The following TPR variants were observed in gnomAD, a reference collection of about 807,000 sequenced individuals.
TPR encodes nucleoprotein TPR.
TPR carries 51 observed loss-of-function variants against 316.1 expected under a neutral mutation model. The ratio of observed to expected loss-of-function variants is 0.16; its 90% CI spans 0.13 to 0.20. The LOEUF is 0.20. Ranked by LOEUF, TPR falls within the 10% of genes least tolerant of loss-of-function variation. The pLI, the probability that TPR is intolerant of heterozygous loss-of-function variation, is 1.00. For synonymous variants in TPR, 981 were observed against 914.7 expected, an observed-to-expected ratio of 1.07 and a Z score of -1.31; for missense variants, 2,272 against 2,754.8, an observed-to-expected ratio of 0.82 and a Z score of 3.92.
intron 6 of TPR, 29 bp from the exon 7 acceptor site, chr1:186,362,409 A>C: frequency 6.5e-7 from 1 of 1,547,026 alleles, no homozygotes; most frequent in Non-Finnish European, 8.9e-7. Context: ...GCAGGGGGAA[A>C]GGATGTCATA....
At position 186,331,515 on chromosome 1, in the gene TPR, G is replaced by C; in HGVS notation, c.5671C>G (p.Gln1891Glu). ...TTACTTACTTCTCCAATGGAATCTT[G>C]AGAATCCTGGTTGTATACCTGAGTC... ...VETQVYNQDSQDSIGEGVTQG... is the reference protein window; with the variant it reads ...VETQVYNQDSEDSIGEGVTQG... Residue 1891 changes from glutamine to glutamate, a missense_variant, in exon 39 of 51, where the codon CAA becomes GAA. This residue lies in a region of TPR where 435 missense variants were observed against 461.1 expected (regional missense o/e 0.94). Transcript: ENST00000367478. 2 of 1,607,668 alleles carry C rather than the reference G, an allele frequency of 1.2e-6. No homozygotes were observed. Among genetic ancestry groups the C allele is most frequent in the Non-Finnish European group, 8.5e-7 (1 of 1,176,912 alleles).
At chr1:186,373,833 T>C (rs1180291981) in intron 1 of TPR, among the ~76,000 whole-genome samples, 1 of 152,228 alleles carries the variant, frequency 6.6e-6, no homozygotes, top group Non-Finnish European at 1.5e-5. Flanking sequence ...AAAACTCCTT[T>C]GTTTTAAAAG....
At chr1:186,324,519 T>C (rs1014633347) in intron 42 of TPR, among the ~76,000 whole-genome samples, 1 of 152,216 alleles carries the variant, frequency 6.6e-6, no homozygotes, top group African/African-American at 2.4e-5. Context: ...GAACAGGATG[T>C]CACAGAATTT....
chr1:186,346,336 G>C lies in TPR; in HGVS notation c.2944-49C>G, dbSNP rs143835201. On this transcript the variant is annotated intron_variant, in intron 22 of 50. Coordinates refer to ENST00000367478, the MANE Select transcript of TPR (RefSeq NM_003292.3). ...GATATAAAAATTACACACATTTAAA[G>C]TCATACAATTATTTTCTCCAAATCA... is the stretch of plus-strand genomic sequence containing the variant. The C allele has an allele frequency of 8.8e-5, 134 of 1,515,264 alleles. 1 individual carries two copies. Among genetic ancestry groups the C allele is most frequent in the Non-Finnish European group, 4.7e-5 (53 of 1,126,722 alleles). 93.9% of individuals were successfully genotyped at this position (1,515,264 alleles called of 1,614,324 possible).
intron 26 of TPR, 94 bp downstream of exon 26, chr1:186,343,802 TTTATATCAAA>T (rs1658591284): frequency 9.3e-7 from 1 of 1,070,506 alleles, no homozygotes; most frequent in Non-Finnish European, 1.3e-6. Context: ...AAGAATGAAC[TTTATATCAAA>T]ATCGTGTATA....
At chr1:186,373,579 T>C (rs1431023539) in intron 1 of TPR, 116 bp from the exon 2 acceptor site, 1 of 589,566 alleles carries the variant, frequency 1.7e-6, no homozygotes, top group Non-Finnish European at 2.9e-6. Flanking sequence ...AGTATTAGAA[T>C]TGTGCTCCAC....
chr1:186,331,732 T>C, intron 38 of TPR, 151 bp from the exon 39 acceptor site: 1 of 438,676 alleles, frequency 2.3e-6, no homozygotes, highest in Non-Finnish European at 3.9e-6. Flanking sequence ...AAAATTATAA[T>C]CACATTCCTC....
chr1:186,316,816 A>C (rs1657626893), intron 49 of TPR, among the ~76,000 whole-genome samples: 1 of 152,244 alleles, frequency 6.6e-6, no homozygotes, highest in South Asian at 2.1e-4. Flanking sequence ...AAATAAGGAA[A>C]TATAAGTAAA....
intron 39 of TPR, among the ~76,000 whole-genome samples, chr1:186,330,010 T>C (rs1658112508): frequency 6.6e-6 from 1 of 152,096 alleles, no homozygotes; most frequent in Non-Finnish European, 1.5e-5. Flanking sequence ...TGAGGTATAA[T>C]GAAGATTAAA....
chr1:186,358,654 T>C lies in TPR; in HGVS notation c.1390-4A>G, dbSNP rs1440230725. The C allele has an allele frequency of 1.9e-6, 3 of 1,609,776 alleles. No homozygotes were observed. The highest frequency in any genetic ancestry group is 2.5e-6 in the Non-Finnish European group (3 of 1,178,282). On this transcript the variant is annotated splice_polypyrimidine_tract_variant and splice_region_variant and intron_variant, in intron 12 of 50. Coordinates refer to ENST00000367478, the MANE Select transcript of TPR (RefSeq NM_003292.3). ...CCTCCTGCAATCGCTGAATCTCCTTTAAAATGTAAATTCAAGTGAAAATTT... is the reference window on the plus strand; with the variant it reads ...CCTCCTGCAATCGCTGAATCTCCTTCAAAATGTAAATTCAAGTGAAAATTT...
chr1:186,318,803 C>A lies in TPR; in HGVS notation c.6594G>T (p.Leu2198=). The change falls in exon 47 of 51, where the codon CTG becomes CTT. Residue 2198 remains leucine, a synonymous_variant. Transcript: ENST00000367478. ...QGGLGMYETP[L]FLAHEEESGG... is the part of the protein sequence containing the mutation. Reference sequence around the variant, plus strand: ...CTGACTCTTCTTCATGAGCTAGGAACAGGGGTGTTTCATACATTCCTAAAC... The same window carrying A: ...CTGACTCTTCTTCATGAGCTAGGAAAAGGGGTGTTTCATACATTCCTAAAC... 1.2e-6 allele frequency: 2 copies of A among 1,613,976 alleles called. No homozygotes were observed. Among genetic ancestry groups the A allele is most frequent in the Middle Eastern group, 1.6e-4 (1 of 6,062 alleles).
intron 24 of TPR, 65 bp from the exon 25 acceptor site, chr1:186,344,643 T>C: frequency 2.4e-6 from 3 of 1,272,106 alleles, no homozygotes; most frequent in Non-Finnish European, 3.1e-6. Context: ...TTAGCACTTG[T>C]CCAAAGATAC....
rs1658496558 is a variant in TPR at position 186,341,122 on chromosome 1, T to A, written c.3926A>T (p.Glu1309Val). ...KLELDILPLQ[E>V]ANAELSEKSG... is the part of the protein sequence containing the mutation. ...TTTCTCACTCAGCTCAGCATTTGCTTCTTGTAAGGGTAAAATATCTAACTC... is the reference window on the plus strand; with the variant it reads ...TTTCTCACTCAGCTCAGCATTTGCTACTTGTAAGGGTAAAATATCTAACTC... The change falls in exon 29 of 51, where the codon GAA (glutamate) becomes GTA (valine). Residue 1309 changes from glutamate to valine, a missense_variant. Glu to Val is a moderately radical substitution (Grantham distance 121). Around this residue, in one of 10 missense-constraint regions of TPR, gnomAD observed 757 missense variants for 859.8 expected, o/e 0.88. Transcript: ENST00000367478. 6.2e-7 allele frequency: 1 copy of A among 1,614,156 alleles called. No homozygotes were observed. Among genetic ancestry groups the A allele is most frequent in the East Asian group, 2.2e-5 (1 of 44,870 alleles).
At chr1:186,325,135 T>C (rs1007909405) in intron 42 of TPR, among the ~76,000 whole-genome samples, 4 of 152,174 alleles carry the variant, frequency 2.6e-5, no homozygotes, top group Admixed American at 6.5e-5. Context: ...TTCCCATTAG[T>C]CTAAACAGCT....
intron 39 of TPR, among the ~76,000 whole-genome samples, chr1:186,329,532 C>T (rs750493080): frequency 6.6e-5 from 10 of 152,096 alleles, no homozygotes; most frequent in Non-Finnish European, 1.0e-4. Flanking sequence ...TAATCTGACA[C>T]AATATTTTTA....
At position 186,337,074 on chromosome 1, in the gene TPR, G is replaced by A. The variant is rs371594925; in HGVS notation, c.4445C>T (p.Thr1482Met). Residue 1482 changes from threonine to methionine, a missense_variant, in exon 32 of 51, where the codon ACG (threonine) becomes ATG (methionine). Coordinates refer to ENST00000367478, the MANE Select transcript of TPR (RefSeq NM_003292.3). Reference protein sequence around the residue: ...SVQEMQELKETLNQAETKSKS... With the variant: ...SVQEMQELKEMLNQAETKSKS... ...TGATTTTGTTTCAGCTTGGTTGAGC[G>A]TTTCTTTGAGTTCCTGCATTTCCTG... 7 of 1,613,702 alleles carry A rather than the reference G, an allele frequency of 4.3e-6. No homozygotes were observed. Among genetic ancestry groups the A allele is most frequent in the Middle Eastern group, 1.6e-4 (1 of 6,084 alleles).
intron 10 of TPR, 119 bp downstream of exon 10, chr1:186,360,646 A>G: frequency 7.6e-7 from 1 of 1,317,994 alleles, no homozygotes; most frequent in Non-Finnish European, 1.0e-6. Flanking sequence ...TATTAATATA[A>G]CTCGATGGAG....
At chr1:186,357,260 C>G in intron 14 of TPR, 137 bp downstream of exon 14, 1 of 757,074 alleles carries the variant, frequency 1.3e-6, no homozygotes. Flanking sequence ...GTCGTCCAGG[C>G]TGGTCTCGAC....
chr1:186,370,918 T>A (rs542910075), intron 3 of TPR, 52 bp downstream of exon 3: 1 of 1,447,996 alleles, frequency 6.9e-7, no homozygotes, highest in African/African-American at 1.4e-5. Context: ...GAATAGAATG[T>A]CCCTTCAAGT....
Sources: allele counts gnomAD v4.1 joint callset (sites outside exome capture counted in the v4.1 genomes callset), GRCh38; gene constraint gnomAD v4.1.1; regional missense constraint gnomAD v4.1.1; transcripts MANE v1.5; gene names NCBI Gene and HGNC (gene_info 2026-07-23, HGNC 2026-07-21).